Variants in ESR1 observed in about 807,000 individuals in gnomAD.
ESR1 encodes estrogen receptor 1.
Under a neutral mutation model 52.7 loss-of-function variants are expected in ESR1, and 12 were observed. That is an observed-to-expected ratio of 0.23 (90% confidence interval 0.15 to 0.37). ESR1 has a LOEUF of 0.37. Ranked by LOEUF, ESR1 falls within the 10% of genes least tolerant of loss-of-function variation. ESR1 has a pLI of 1.00. For synonymous variants in ESR1, 305 were observed against 316.8 expected, an observed-to-expected ratio of 0.96 and a Z score of 0.39; for missense variants, 584 against 779.7, an observed-to-expected ratio of 0.75 and a Z score of 2.99.
chr6:151,716,397 C>G (rs1379411710), intron 2 of ESR1, among the ~76,000 whole-genome samples: 1 of 152,156 alleles, frequency 6.6e-6, no homozygotes, highest in Admixed American at 6.5e-5. Context: ...AGCCAGCAGG[C>G]AGGAATGTTT....
chr6:151,966,776 T>C (rs1244361183), intron 4 of ESR1, among the ~76,000 whole-genome samples: 2 of 152,198 alleles, frequency 1.3e-5, no homozygotes, highest in African/African-American at 4.8e-5. Flanking sequence ...CACACCCTTA[T>C]CCACAGCTGA....
At chr6:151,868,982 T>G (rs925005278) in intron 2 of ESR1, among the ~76,000 whole-genome samples, 1 of 152,138 alleles carries the variant, frequency 6.6e-6, no homozygotes, top group African/African-American at 2.4e-5. Context: ...CAGAGCTTAG[T>G]GAACCGTCTT....
chr6:152,112,564 CA>C (rs2051157548), intron 6 of ESR1, among the ~76,000 whole-genome samples: 1 of 152,178 alleles, frequency 6.6e-6, no homozygotes, highest in African/African-American at 2.4e-5. Context: ...CCTGAATAAG[CA>C]AGGTTTATCA....
At chr6:151,981,494 A>C (rs1283673320) in intron 4 of ESR1, among the ~76,000 whole-genome samples, 2 of 152,224 alleles carry the variant, frequency 1.3e-5, no homozygotes, top group Non-Finnish European at 2.9e-5. Context: ...CCCAAGGGAA[A>C]TATCAAGGCT....
chr6:151,825,783 G>A (rs992453750), intron 1 of ESR1, among the ~76,000 whole-genome samples: 5 of 151,878 alleles, frequency 3.3e-5, no homozygotes, highest in African/African-American at 1.2e-4. Flanking sequence ...GTGGTGACAC[G>A]TGCCTGTAAT....
At chr6:151,825,910 C>CAAAAAAAA (rs3996305) in intron 1 of ESR1, among the ~76,000 whole-genome samples, 2 of 78,114 alleles carry the variant, frequency 2.6e-5, no homozygotes, top group South Asian at 5.6e-4. Context: ...GACTCCATCT[C>CAAAAAAAA]AAAAAAAAAA....
Position 152,099,268 on chromosome 6 carries a change from TG to T in ESR1, c.*306del, listed in dbSNP as rs2050876151. The T allele has an allele frequency of 2.1e-6, 1 of 479,356 alleles. No individual in the cohort carries two copies. The highest frequency in any genetic ancestry group is 3.7e-5 in the East Asian group (1 of 27,068). The allele number at this position is 479,356 out of a possible 1,614,324, so 29.7% of individuals were successfully genotyped here. A position where few individuals can be genotyped will look rare whatever the true frequency, so the allele number is the denominator to read the frequency against. The stretch of plus-strand genomic sequence containing the variant: ...TCACAGCTGAACTCAGTCTATGGGT[TG>T]GGGCTCAGATAACTCTGTGCATTTA... On this transcript the variant is annotated 3_prime_UTR_variant, in exon 8 of 8. Coordinates refer to ENST00000206249, the MANE Select transcript of ESR1 (RefSeq NM_000125.4).
At chr6:152,038,819 C>G (rs189668982) in intron 5 of ESR1, among the ~76,000 whole-genome samples, 1 of 151,954 alleles carries the variant, frequency 6.6e-6, no homozygotes, top group African/African-American at 2.4e-5. Flanking sequence ...TTAGTAAAGA[C>G]GGGGTTTTGC....
At chr6:151,724,470 G>A (rs1311095281) in intron 2 of ESR1, among the ~76,000 whole-genome samples, 1 of 151,960 alleles carries the variant, frequency 6.6e-6, no homozygotes, top group Non-Finnish European at 1.5e-5. Context: ...GTCCCCACCC[G>A]ATTACCCTAG....
At chr6:151,877,278 T>C (rs1356661385) in intron 2 of ESR1, among the ~76,000 whole-genome samples, 5 of 152,180 alleles carry the variant, frequency 3.3e-5, no homozygotes, top group Non-Finnish European at 7.3e-5. Flanking sequence ...TCAATTGCTT[T>C]AATAACACAT....
chr6:152,080,169 G>A (rs1321206222), intron 6 of ESR1, among the ~76,000 whole-genome samples: 1 of 152,038 alleles, frequency 6.6e-6, no homozygotes, highest in Non-Finnish European at 1.5e-5. Context: ...CTCAAGAAGA[G>A]CAACCCCAAG....
At chr6:151,797,273 A>AG (rs1356650710) in intron 2 of ESR1, among the ~76,000 whole-genome samples, 1 of 152,242 alleles carries the variant, frequency 6.6e-6, no homozygotes, top group Non-Finnish European at 1.5e-5. Flanking sequence ...TCCAAGAATA[A>AG]GCATGTCCAG....
chr6:151,737,848 A>G (rs183247269), intron 2 of ESR1, among the ~76,000 whole-genome samples: 6 of 152,320 alleles, frequency 3.9e-5, no homozygotes, highest in Admixed American at 2.0e-4. Context: ...TGATATTATT[A>G]TTTTTGATGC....
intron 5 of ESR1, among the ~76,000 whole-genome samples, chr6:152,026,380 A>G (rs1487074307): frequency 6.6e-6 from 1 of 151,998 alleles, no homozygotes; most frequent in Admixed American, 6.6e-5. Flanking sequence ...CCTATCTAAT[A>G]TCAAGATCAT....
At chr6:151,803,444 T>C (rs1777457697), upstream of ESR1, among the ~76,000 whole-genome samples, 1 of 152,142 alleles carries the variant, frequency 6.6e-6, no homozygotes, top group Non-Finnish European at 1.5e-5. Context: ...CTTGGAGTAT[T>C]AAAATTTTGC....
chr6:152,052,240 C>T (rs1375965549), intron 5 of ESR1, among the ~76,000 whole-genome samples: 1 of 152,124 alleles, frequency 6.6e-6, no homozygotes, highest in Non-Finnish European at 1.5e-5. Context: ...GGCACCAAAA[C>T]AGTTGTGAGG....
intron 6 of ESR1, among the ~76,000 whole-genome samples, chr6:152,093,087 C>T (rs1195134738): frequency 6.6e-6 from 1 of 151,910 alleles, no homozygotes; most frequent in South Asian, 2.1e-4. Flanking sequence ...GACCAGCCTG[C>T]CCAAGATGGC....
At chr6:151,829,210 A>G (rs889850620) in intron 1 of ESR1, among the ~76,000 whole-genome samples, 5 of 152,238 alleles carry the variant, frequency 3.3e-5, no homozygotes, top group Non-Finnish European at 7.3e-5. Flanking sequence ...AGGCAATGTC[A>G]TAATAGATGA....
At chr6:152,038,884 CTCCCAAAGTGGTG>C (rs1269712274) in intron 5 of ESR1, among the ~76,000 whole-genome samples, 7 of 152,166 alleles carry the variant, frequency 4.6e-5, no homozygotes, top group Non-Finnish European at 1.0e-4. Flanking sequence ...CCACCTCGGC[CTCCCAAAGTGGTG>C]GATCCCAAAG....
Sources: allele counts gnomAD v4.1 joint callset (sites outside exome capture counted in the v4.1 genomes callset), GRCh38; gene constraint gnomAD v4.1.1; transcripts MANE v1.5; gene names NCBI Gene and HGNC (gene_info 2026-07-23, HGNC 2026-07-21).